CPNE8: variants seen among roughly 807,000 people sequenced by gnomAD.
CPNE8 encodes copine 8.
In CPNE8, 45 loss-of-function variants were observed where a neutral mutation model predicts 81.5. The ratio of observed to expected loss-of-function variants is 0.55; its 90% CI spans 0.44 to 0.71. The LOEUF (loss-of-function observed/expected upper bound fraction) is 0.71, where lower values mean the gene tolerates loss of function less well. CPNE8 is among the 30% of genes least tolerant of loss of function. The pLI is 0.00. For synonymous variants in CPNE8, 252 were observed against 226.3 expected (o/e 1.11, Z -1.02); for missense variants, 594 against 672.1 (o/e 0.88, Z 1.28).
intron 13 of CPNE8, among the ~76,000 whole-genome samples, chr12:38,710,824 A>G (rs1034856386): frequency 6.6e-6 from 1 of 152,188 alleles, no homozygotes; most frequent in Non-Finnish European, 1.5e-5. Flanking sequence ...TATCTTATGC[A>G]TATGCAACCT....
chr12:38,880,614 A>C (rs1944138585), intron 1 of CPNE8, among the ~76,000 whole-genome samples: 1 of 152,154 alleles, frequency 6.6e-6, no homozygotes, highest in Non-Finnish European at 1.5e-5. Flanking sequence ...TGGAATCAGA[A>C]AGTTATTTGT....
intron 3 of CPNE8, among the ~76,000 whole-genome samples, chr12:38,871,033 T>C (rs942780889): frequency 6.6e-6 from 1 of 152,120 alleles, no homozygotes; most frequent in African/African-American, 2.4e-5. Flanking sequence ...TTAGCCATCT[T>C]TATTATAAAA....
chr12:38,739,899 ATAAGATAAGGTAGACTC>A (rs1941050524), intron 10 of CPNE8, among the ~76,000 whole-genome samples: 1 of 152,162 alleles, frequency 6.6e-6, no homozygotes, highest in African/African-American at 2.4e-5. Flanking sequence ...TCTAAAGTAG[ATAAGATAAGGTAGACTC>A]TACAATATGA....
At chr12:38,805,852 C>A (rs1231242807) in intron 6 of CPNE8, among the ~76,000 whole-genome samples, 1 of 149,078 alleles carries the variant, frequency 6.7e-6, no homozygotes, top group African/African-American at 2.4e-5. Context: ...ATTGATAGAC[C>A]ACTAGCAAGA....
chr12:38,655,675 T>A (rs1412932848), intron 19 of CPNE8, among the ~76,000 whole-genome samples: 1 of 152,146 alleles, frequency 6.6e-6, no homozygotes, highest in Non-Finnish European at 1.5e-5. Context: ...AAGGAAGCAT[T>A]TAAAATGATC....
At chr12:38,857,396 T>C (rs1002173166) in intron 3 of CPNE8, among the ~76,000 whole-genome samples, 5 of 152,218 alleles carry the variant, frequency 3.3e-5, no homozygotes, top group Admixed American at 6.5e-5. Context: ...GGACTTTCAC[T>C]TCCAGAAAGA....
intron 1 of CPNE8, among the ~76,000 whole-genome samples, chr12:38,892,465 C>A (rs1327504749): frequency 6.6e-6 from 1 of 152,010 alleles, no homozygotes; most frequent in Non-Finnish European, 1.5e-5. Flanking sequence ...GTGGAGACAG[C>A]AGAAATGGAA....
chr12:38,906,049 T>C, upstream of CPNE8: 1 of 986,776 alleles, frequency 1.0e-6, no homozygotes, highest in Non-Finnish European at 1.2e-6. Context: ...TCTCGAAGTT[T>C]CCTCGCCTGA....
intron 4 of CPNE8, among the ~76,000 whole-genome samples, chr12:38,845,428 T>C (rs1314653111): frequency 6.6e-6 from 1 of 152,184 alleles, no homozygotes; most frequent in Non-Finnish European, 1.5e-5. Context: ...AGGCTGATAC[T>C]GCCAATATGT....
intron 6 of CPNE8, among the ~76,000 whole-genome samples, chr12:38,808,076 T>C (rs1942855121): frequency 6.6e-6 from 1 of 152,030 alleles, no homozygotes; most frequent in Non-Finnish European, 1.5e-5. Flanking sequence ...CCAGTTAGAA[T>C]GGCAATCATT....
intron 19 of CPNE8, among the ~76,000 whole-genome samples, chr12:38,666,464 G>C (rs971379766): frequency 1.3e-5 from 2 of 152,102 alleles, no homozygotes; most frequent in African/African-American, 4.8e-5. Context: ...AAGTAATATG[G>C]GGACAAAGTG....
intron 15 of CPNE8, 91 bp from the exon 16 acceptor site, chr12:38,685,708 G>T: frequency 7.8e-7 from 1 of 1,289,376 alleles, no homozygotes; most frequent in Non-Finnish European, 1.1e-6. Flanking sequence ...AATAATACAC[G>T]TTGACACTCA....
intron 16 of CPNE8, among the ~76,000 whole-genome samples, chr12:38,683,204 T>A (rs1939449922): frequency 6.6e-6 from 1 of 152,150 alleles, no homozygotes; most frequent in Admixed American, 6.6e-5. Flanking sequence ...AGAGTAAGCA[T>A]TCTTTAAAAT....
At chr12:38,679,162 A>G (rs1017886417) in intron 16 of CPNE8, among the ~76,000 whole-genome samples, 4 of 151,862 alleles carry the variant, frequency 2.6e-5, no homozygotes, top group Admixed American at 6.6e-5. Context: ...GTACAACAGT[A>G]TAGCTTTTAT....
intron 18 of CPNE8, among the ~76,000 whole-genome samples, chr12:38,674,402 G>C (rs1592002002): frequency 6.6e-6 from 1 of 152,092 alleles, no homozygotes; most frequent in Non-Finnish European, 1.5e-5. Context: ...AAAGTCAAAA[G>C]CAAATAGTAG....
At chr12:38,757,695 C>T (rs1182826304) in intron 10 of CPNE8, among the ~76,000 whole-genome samples, 4 of 152,022 alleles carry the variant, frequency 2.6e-5, no homozygotes, top group African/African-American at 9.6e-5. Context: ...AAATTTTCTA[C>T]ATTAAAATAT....
intron 13 of CPNE8, among the ~76,000 whole-genome samples, chr12:38,717,427 G>GTATATATATATATATATATATATATATA (rs1491219731): frequency 1.4e-4 from 10 of 69,726 alleles, no homozygotes; most frequent in Non-Finnish European, 1.8e-4. Flanking sequence ...AGAAAGTGTG[G>GTATATATATATATATATATATATATATA]TGTATATATA....
At chr12:38,697,382 C>T (rs916551044) in intron 14 of CPNE8, among the ~76,000 whole-genome samples, 1 of 152,094 alleles carries the variant, frequency 6.6e-6, no homozygotes, top group Admixed American at 6.5e-5. Flanking sequence ...AATAGTATTC[C>T]ATTGTATGGA....
At chr12:38,821,985 C>T (rs1312949627) in intron 6 of CPNE8, among the ~76,000 whole-genome samples, 3 of 152,098 alleles carry the variant, frequency 2.0e-5, no homozygotes, top group East Asian at 1.9e-4. Flanking sequence ...TACCATTTTT[C>T]GAGAGGCTTT....
Sources: allele counts gnomAD v4.1 joint callset (sites outside exome capture counted in the v4.1 genomes callset), GRCh38; gene constraint gnomAD v4.1.1; transcripts MANE v1.5; gene names NCBI Gene and HGNC (gene_info 2026-07-23, HGNC 2026-07-21).